The following HPSE2 variants were observed in gnomAD, a reference collection of about 807,000 sequenced individuals.
HPSE2 encodes the protein heparanase 2 (inactive).
HPSE2 carries 38 observed loss-of-function variants against 60.5 expected under a neutral mutation model. The ratio of observed to expected loss-of-function variants is 0.63; its 90% confidence interval spans 0.48 to 0.82. HPSE2 has a LOEUF of 0.82. Among genes scored for constraint, HPSE2 ranks in the 40% least tolerant of loss-of-function variants. HPSE2 has a pLI of 0.00. For synonymous variants in HPSE2, 295 were observed against 293.2 expected, an observed-to-expected ratio of 1.01 and a Z score of -0.06; for missense variants, 713 against 740.4, an observed-to-expected ratio of 0.96 and a Z score of 0.43.
the HPSE2 span, among the ~76,000 whole-genome samples, chr10:99,269,579 T>C: frequency 1.3e-5 from 2 of 152,112 alleles, no homozygotes; most frequent in Non-Finnish European, 2.9e-5. Flanking sequence ...AAACAATGGA[T>C]TTAAACTATA....
intron 9 of HPSE2, among the ~76,000 whole-genome samples, chr10:98,526,398 C>G (rs1311229117): frequency 4.6e-5 from 7 of 152,180 alleles, no homozygotes; most frequent in African/African-American, 7.2e-5. Context: ...TTAGATGTAT[C>G]AGAGCAACTC....
the HPSE2 span, among the ~76,000 whole-genome samples, chr10:99,242,204 G>A: frequency 6.6e-6 from 1 of 152,320 alleles, no homozygotes; most frequent in South Asian, 2.1e-4. Flanking sequence ...ATGGAATGCT[G>A]AAGGAGAAAA....
intron 9 of HPSE2, among the ~76,000 whole-genome samples, chr10:98,536,332 T>C (rs1304264863): frequency 6.6e-6 from 1 of 152,226 alleles, no homozygotes; most frequent in African/African-American, 2.4e-5. Context: ...ACTATTTCTT[T>C]ATTGCTTTAT....
chr10:98,974,501 C>T (rs1412641244), intron 3 of HPSE2, among the ~76,000 whole-genome samples: 1 of 151,972 alleles, frequency 6.6e-6, no homozygotes, highest in Non-Finnish European at 1.5e-5. Flanking sequence ...CTCCTGACCT[C>T]GTGATCCACC....
the HPSE2 span, among the ~76,000 whole-genome samples, chr10:99,256,853 A>G: frequency 2.0e-5 from 3 of 152,280 alleles, no homozygotes; most frequent in East Asian, 5.8e-4. Context: ...AGAGATCAAG[A>G]CCATCCTGGC....
intron 3 of HPSE2, among the ~76,000 whole-genome samples, chr10:98,788,715 C>A (rs999948569): frequency 6.6e-6 from 1 of 151,848 alleles, no homozygotes; most frequent in Non-Finnish European, 1.5e-5. Context: ...TTTCCAGGTG[C>A]GTCCGTCACC....
At chr10:98,886,046 A>C (rs1953154599) in intron 3 of HPSE2, among the ~76,000 whole-genome samples, 1 of 152,110 alleles carries the variant, frequency 6.6e-6, no homozygotes, top group African/African-American at 2.4e-5. Context: ...ATCTTTTTAA[A>C]ACTTTAGGAT....
chr10:99,260,976 C>T, the HPSE2 span, among the ~76,000 whole-genome samples: 6 of 152,134 alleles, frequency 3.9e-5, no homozygotes, highest in South Asian at 4.1e-4. Flanking sequence ...AGTACAAACT[C>T]GACAGTGGTT....
chr10:98,669,854 T>C (rs533412204), intron 6 of HPSE2, among the ~76,000 whole-genome samples: 47 of 152,126 alleles, frequency 3.1e-4, no homozygotes, highest in African/African-American at 9.9e-4. Context: ...ATGTAACAAA[T>C]GTGCACAGGT....
intron 3 of HPSE2, 64 bp from the exon 4 acceptor site, chr10:98,744,120 A>C: frequency 6.8e-7 from 1 of 1,473,310 alleles, no homozygotes; most frequent in Non-Finnish European, 9.4e-7. Flanking sequence ...GGAAAATAGT[A>C]GCTAATATAA....
At chr10:98,644,226 G>A (rs1207192656) in intron 6 of HPSE2, among the ~76,000 whole-genome samples, 1 of 152,160 alleles carries the variant, frequency 6.6e-6, no homozygotes, top group East Asian at 1.9e-4. Context: ...CAGGGTTGGT[G>A]TACTGATCAC....
At chr10:98,743,583 A>T (rs1949554892) in intron 4 of HPSE2, among the ~76,000 whole-genome samples, 1 of 152,234 alleles carries the variant, frequency 6.6e-6, no homozygotes, top group Non-Finnish European at 1.5e-5. Flanking sequence ...CTGTGCAAAC[A>T]GGTTATAAAA....
At chr10:99,165,423 C>T (rs1430811287) in intron 2 of HPSE2, among the ~76,000 whole-genome samples, 1 of 152,102 alleles carries the variant, frequency 6.6e-6, no homozygotes, top group Non-Finnish European at 1.5e-5. Flanking sequence ...GTCTGCCTTA[C>T]GTTCCCCCAA....
chr10:99,308,403 C>CAAAAAAAAAAAAAAAAAAAAAA, the HPSE2 span, among the ~76,000 whole-genome samples: 1 of 55,250 alleles, frequency 1.8e-5, no homozygotes, highest in Non-Finnish European at 4.3e-5. Context: ...AAAAGGAAAC[C>CAAAAAAAAAAAAAAAAAAAAAA]ATCAAAATCT....
intron 3 of HPSE2, among the ~76,000 whole-genome samples, chr10:99,091,867 C>T (rs1353585265): frequency 6.6e-6 from 1 of 152,178 alleles, no homozygotes; most frequent in Non-Finnish European, 1.5e-5. Context: ...TTAAAATTCA[C>T]TACGGATTTT....
intron 3 of HPSE2, among the ~76,000 whole-genome samples, chr10:98,801,317 T>C (rs1589847943): frequency 6.6e-6 from 1 of 152,104 alleles, no homozygotes; most frequent in East Asian, 1.9e-4. Flanking sequence ...AATACCCACT[T>C]TTACCACTGT....
At chr10:98,730,205 A>C (rs1019072532) in intron 4 of HPSE2, among the ~76,000 whole-genome samples, 2 of 152,194 alleles carry the variant, frequency 1.3e-5, no homozygotes, top group Non-Finnish European at 2.9e-5. Context: ...AAATCCCCAA[A>C]TATTTGAAAA....
At chr10:98,557,896 C>T (rs1944058853) in intron 9 of HPSE2, among the ~76,000 whole-genome samples, 1 of 152,046 alleles carries the variant, frequency 6.6e-6, no homozygotes, top group South Asian at 2.1e-4. Context: ...TTGCAGTGAG[C>T]CGAGATCATG....
intron 11 of HPSE2, chr10:98,461,658 G>A (rs977528610): frequency 6.5e-6 from 5 of 767,646 alleles, no homozygotes; most frequent in South Asian, 3.7e-5. Context: ...CAATAATACC[G>A]ATTAATCTTT....
Sources: gnomAD v4.1 joint callset for allele counts (sites outside exome capture counted in the v4.1 genomes callset) on GRCh38, gnomAD v4.1.1 for gene constraint, MANE v1.5 for transcripts, NCBI Gene and HGNC (gene_info 2026-07-23, HGNC 2026-07-21) for gene names.